KRR1: variants seen among roughly 807,000 people sequenced by gnomAD.
KRR1 encodes KRR1 small subunit processome component.
In KRR1, 23 loss-of-function variants were observed where a neutral mutation model predicts 50.0. That is an observed-to-expected ratio of 0.46 (90% CI 0.33 to 0.65). KRR1 has a LOEUF of 0.65. KRR1 is among the 30% of genes least tolerant of loss of function. The pLI is 0.02. For synonymous variants in KRR1, 133 were observed against 146.3 expected, an observed-to-expected ratio of 0.91 and a Z score of 0.66; for missense variants, 419 against 442.4, an observed-to-expected ratio of 0.95 and a Z score of 0.47.
chr12:75,502,735 A>G (rs1193587527), intron 7 of KRR1: 1 of 152,076 alleles, frequency 6.6e-6, no homozygotes, highest in Non-Finnish European at 1.5e-5. Flanking sequence ...TGTTAAGAAC[A>G]AGTCAATCGA....
At position 75,501,985 on chromosome 12, in the gene KRR1, C is replaced by A; in HGVS notation, c.847G>T (p.Ala283Ser). 6.2e-7 allele frequency: 1 copy of A among 1,611,448 alleles called. No homozygotes were observed. The highest frequency in any genetic ancestry group is 1.3e-5 in the African/African-American group (1 of 74,886). ...GCCTTCAAAAAGTATTCACCACTAGCCAATTCTTTATCGATCTGTTGAAAA... is the reference window on the plus strand; with the variant it reads ...GCCTTCAAAAAGTATTCACCACTAGACAATTCTTTATCGATCTGTTGAAAA... ...QPESQIDKEL[A>S]SGEYFLKANQ... The change falls in exon 8 of 10, where the codon GCT (alanine) becomes TCT (serine). Residue 283 changes from alanine to serine, a missense_variant. By Grantham distance (99) the Ala-to-Ser change is moderately conservative (BLOSUM62 1). Transcript: ENST00000229214.
At chr12:75,501,511 G>C in intron 9 of KRR1, 1 of 522,258 alleles carries the variant, frequency 1.9e-6, no homozygotes, top group South Asian at 2.6e-5. Flanking sequence ...GGTCAGGAGA[G>C]GACTGTCAAT....
intron 8 of KRR1, 38 bp downstream of exon 8, chr12:75,501,885 C>G (rs755493492): frequency 3.8e-6 from 6 of 1,593,568 alleles, no homozygotes. Flanking sequence ...TATCTATGAA[C>G]TTTGCTATTC....
intron 9 of KRR1, chr12:75,500,564 A>T (rs2046386198): frequency 1.3e-5 from 2 of 152,074 alleles, no homozygotes; most frequent in Non-Finnish European, 2.9e-5. Flanking sequence ...GTATTTTAAC[A>T]AGATTTTGGT....
At chr12:75,502,182 G>C in intron 7 of KRR1, 182 bp from the exon 8 acceptor site, 1 of 556,652 alleles carries the variant, frequency 1.8e-6, no homozygotes, top group South Asian at 2.3e-5. Flanking sequence ...AAAGTGTGGA[G>C]GTAGGAAAGC....
rs751946450 is a variant in KRR1, at chr12:75,501,951, T to C, written c.881A>G (p.Lys294Arg). Residue 294 changes from lysine to arginine, a missense_variant, in exon 8 of 10, where the codon AAG becomes AGG. Lys to Arg is a conservative substitution (Grantham distance 26, BLOSUM62 2). Coordinates refer to ENST00000229214, the MANE Select transcript of KRR1 (RefSeq NM_007043.7). ...SGEYFLKANQ[K>R]KRQKMEAIKA... ...TATTGCTTCCATTTTCTGCCGCTTCTTCTGATTTGCCTTCAAAAAGTATTC... is the reference window on the plus strand; with the variant it reads ...TATTGCTTCCATTTTCTGCCGCTTCCTCTGATTTGCCTTCAAAAAGTATTC... 14 of 1,612,692 alleles carry C rather than the reference T, an allele frequency of 8.7e-6. No homozygotes were observed. The African/African-American group carries it at 1.7e-4, about 20-fold the overall frequency.
At chr12:75,511,107 CA>C (rs1228171049) in intron 1 of KRR1, among the ~76,000 whole-genome samples, 1 of 152,214 alleles carries the variant, frequency 6.6e-6, no homozygotes, top group Non-Finnish European at 1.5e-5. Flanking sequence ...CTCCTTTCCC[CA>C]TACCTCACCC....
At chr12:75,509,886 GTTAC>G (rs2046439220) in intron 1 of KRR1, among the ~76,000 whole-genome samples, 1 of 151,720 alleles carries the variant, frequency 6.6e-6, no homozygotes, top group Non-Finnish European at 1.5e-5. Context: ...ACTGCAACTA[GTTAC>G]TTACAATGTT....
chr12:75,506,182 A>G, intron 5 of KRR1, 134 bp downstream of exon 5: 1 of 610,670 alleles, frequency 1.6e-6, no homozygotes, highest in South Asian at 2.3e-5. Context: ...TATGACATAA[A>G]AAGTATTTAC....
In KRR1 at chr12:75,499,109, T is replaced by C. The variant is rs1213387487; in HGVS notation, c.*700A>G. On this transcript the variant is annotated 3_prime_UTR_variant, in exon 10 of 10. Coordinates refer to ENST00000229214, the MANE Select transcript of KRR1 (RefSeq NM_007043.7). Reference sequence around the variant, plus strand: ...AAAATATATGTTATAGCAATACTCTTACTCAAAAGAAGAAATTTCCTAACT... The same window carrying C: ...AAAATATATGTTATAGCAATACTCTCACTCAAAAGAAGAAATTTCCTAACT... 1 of 516,382 alleles carries C rather than the reference T, an allele frequency of 1.9e-6. No individual in the cohort carries two copies. Among genetic ancestry groups the C allele is most frequent in the African/African-American group, 2.0e-5 (1 of 50,066 alleles). 32.0% of individuals were successfully genotyped at this position (516,382 alleles called of 1,614,324 possible).
At chr12:75,500,502 TTAA>T (rs1333251673) in intron 9 of KRR1, 2 of 151,994 alleles carry the variant, frequency 1.3e-5, no homozygotes, top group African/African-American at 4.8e-5. Context: ...ATTAATTCAT[TTAA>T]TGTTAGATTA....
Position 75,501,953 on chromosome 12 carries a change from C to CTGATTT in KRR1, c.873_878dup (p.Asn292_Gln293dup). ...TTGCTTCCATTTTCTGCCGCTTCTT[C>CTGATTT]TGATTTGCCTTCAAAAAGTATTCAC... On this transcript the variant is annotated inframe_insertion, in exon 8 of 10. Transcript: ENST00000229214. 2 of 1,612,556 alleles carry CTGATTT rather than the reference C, an allele frequency of 1.2e-6. No individual in the cohort carries two copies. The highest frequency in any genetic ancestry group is 1.7e-6 in the Non-Finnish European group (2 of 1,179,116).
At position 75,496,378 on chromosome 12, in the gene KRR1, C is replaced by G. The variant is rs916256768; in HGVS notation, c.*3431G>C. On this transcript the variant is annotated 3_prime_UTR_variant, in exon 10 of 10. Transcript: ENST00000229214. The stretch of plus-strand genomic sequence containing the variant: ...TCCAAAAAATGAAAATAAAATAAAG[C>G]TGCAACATGGCACTTTTTATTAGCC... 1.3e-5 allele frequency: 2 copies of G among 151,912 alleles called. No homozygotes were observed. Among genetic ancestry groups the G allele is most frequent in the Admixed American group, 1.3e-4 (2 of 15,248 alleles). The allele number at this position is 151,912 out of a possible 1,614,324, so 9.4% of individuals were successfully genotyped here. A position where few individuals can be genotyped will look rare whatever the true frequency, so the allele number is the denominator to read the frequency against.
In KRR1 at chr12:75,508,381, G is replaced by T; in HGVS notation, c.151C>A (p.Pro51Thr). The T allele has an allele frequency of 1.2e-6, 2 of 1,613,330 alleles. No individual in the cohort carries two copies. The highest frequency in any genetic ancestry group is 1.7e-6 in the Non-Finnish European group (2 of 1,179,584). Residue 51 changes from proline to threonine, a missense_variant, in exon 2 of 10, where the codon CCC (proline) becomes ACC (threonine). Pro to Thr is a conservative substitution (Grantham distance 38, BLOSUM62 -1). Transcript: ENST00000229214. Reference sequence around the variant, plus strand: ...CTGCTCTCCTCCAAAAGTCCTCTGGGATTGTCCTCTTTGGAAAAAGCTGGT... The same window carrying T: ...CTGCTCTCCTCCAAAAGTCCTCTGGTATTGTCCTCTTTGGAAAAAGCTGGT... ...KEPAFSKEDN[P>T]RGLLEESSFA...
chr12:75,503,644 TG>T (rs2046408959), intron 7 of KRR1: 1 of 289,590 alleles, frequency 3.5e-6, no homozygotes, highest in African/African-American at 2.2e-5. Flanking sequence ...CTTTTATCCA[TG>T]GAACATTTAC....
chr12:75,505,157 TATG>T, intron 6 of KRR1, 38 bp downstream of exon 6: 1 of 1,477,394 alleles, frequency 6.8e-7, no homozygotes, highest in East Asian at 2.5e-5. Flanking sequence ...CTAAAAGAAG[TATG>T]ATAATCACTG....
At chr12:75,505,376 G>A in intron 5 of KRR1, 122 bp from the exon 6 acceptor site, 1 of 983,616 alleles carries the variant, frequency 1.0e-6, no homozygotes, top group Non-Finnish European at 1.4e-6. Flanking sequence ...AAATAATTAA[G>A]TAGTTCCTTC....
At position 75,498,933 on chromosome 12, in the gene KRR1, C is replaced by A. The variant is rs2046370408; in HGVS notation, c.*876G>T. On this transcript the variant is annotated 3_prime_UTR_variant, in exon 10 of 10. Coordinates refer to ENST00000229214, the MANE Select transcript of KRR1 (RefSeq NM_007043.7). Reference sequence around the variant, plus strand: ...TTCTAATACTGTCTGTTATAATTACCATTTTGGTACAGCACAAGTACCCTA... The same window carrying A: ...TTCTAATACTGTCTGTTATAATTACAATTTTGGTACAGCACAAGTACCCTA... The A allele has an allele frequency of 5.0e-6, 8 of 1,608,412 alleles. No individual in the cohort carries two copies. In the East Asian group the frequency reaches 1.8e-4, roughly 36 times the overall value.
intron 6 of KRR1, among the ~76,000 whole-genome samples, chr12:75,504,661 A>C (rs1483405199): frequency 6.6e-6 from 1 of 152,044 alleles, no homozygotes; most frequent in African/African-American, 2.4e-5. Flanking sequence ...ATTTAAGTGG[A>C]TTGCTCAACA....
Sources: allele counts gnomAD v4.1 joint callset (sites outside exome capture counted in the v4.1 genomes callset), GRCh38; gene constraint gnomAD v4.1.1; transcripts MANE v1.5; gene names NCBI Gene and HGNC (gene_info 2026-07-23, HGNC 2026-07-21).